The following APOOL variants were observed in gnomAD, a reference collection of about 807,000 sequenced individuals.
APOOL encodes MICOS complex subunit MIC27.
In APOOL, 12 loss-of-function variants were observed where a neutral mutation model predicts 23.1. The observed-to-expected ratio is 0.52, with a 90% CI of 0.33 to 0.84. The LOEUF (loss-of-function observed/expected upper bound fraction) is 0.84. APOOL is among the 40% of genes least tolerant of loss of function. The probability of loss-of-function intolerance (pLI) is 0.02; values close to 1 mark genes in which losing one functional copy is unlikely to be tolerated. For synonymous variants in APOOL, 77 were observed against 69.9 expected (o/e 1.10, Z -0.51); for missense variants, 212 against 199.6 (o/e 1.06, Z -0.37).
rs184418193 is a variant in APOOL at position 85,080,963 on chromosome X, C to G, written c.718+6572C>G. Among the ~76,000 whole-genome samples the G allele has an allele frequency of 8.5e-4, 94 of 110,168 alleles. 1 individual carries two copies. Among genetic ancestry groups the G allele is most frequent in the African/African-American group, 2.9e-3 (88 of 30,129 alleles). ...CTGCTTGTTAGATCTTCCACCTTCC[C>G]TTTATTTTGAGCCTATGTGTGTCTC... On this transcript the variant is annotated intron_variant, in intron 8 of 8. Transcript: ENST00000373173.
intron 6 of APOOL, among the ~76,000 whole-genome samples, chrX:85,069,798 T>G (rs921715782): frequency 1.5e-4 from 16 of 109,818 alleles, no homozygotes; most frequent in African/African-American, 5.3e-4. Flanking sequence ...TTAAAAACAT[T>G]AAAAAAAATT....
At chrX:85,008,222 A>G (rs1921143364) in intron 1 of APOOL, among the ~76,000 whole-genome samples, 1 of 111,656 alleles carries the variant, frequency 9.0e-6, no homozygotes, top group African/African-American at 3.3e-5. Context: ...GATTACCAGA[A>G]TCAAATTAGT....
chrX:85,083,978 G>A (rs1260430591), intron 8 of APOOL, among the ~76,000 whole-genome samples: 1 of 110,855 alleles, frequency 9.0e-6, no homozygotes, highest in African/African-American at 3.3e-5. Context: ...AAATTGCAAA[G>A]GAATGCATCA....
At chrX:85,042,640 A>G (rs1050828171) in intron 1 of APOOL, among the ~76,000 whole-genome samples, 1 of 112,147 alleles carries the variant, frequency 8.9e-6, no homozygotes, top group Non-Finnish European at 1.9e-5. Context: ...AATAAAGAAA[A>G]CTATAGACCA....
chrX:85,004,263 T>A (rs1014523989), intron 1 of APOOL, among the ~76,000 whole-genome samples: 2 of 109,946 alleles, frequency 1.8e-5, no homozygotes, highest in African/African-American at 3.4e-5. Flanking sequence ...AAGAGAAAAA[T>A]ATATATATAA....
intron 5 of APOOL, among the ~76,000 whole-genome samples, chrX:85,059,530 C>A (rs1318221546): frequency 9.1e-6 from 1 of 109,477 alleles, no homozygotes; most frequent in African/African-American, 3.4e-5. Context: ...CACATCCTCT[C>A]CAGCACCTGT....
chrX:85,027,981 AT>A (rs1410216014), intron 1 of APOOL, among the ~76,000 whole-genome samples: 1 of 111,538 alleles, frequency 9.0e-6, no homozygotes, highest in Admixed American at 9.5e-5. Flanking sequence ...GTGGATATAA[AT>A]TTCATTTTAC....
chrX:85,068,441 T>C (rs1384715760), intron 6 of APOOL, among the ~76,000 whole-genome samples: 2 of 102,946 alleles, frequency 1.9e-5, no homozygotes, highest in Non-Finnish European at 4.0e-5. Flanking sequence ...GGTCTTTCTC[T>C]GTCACCCAGG....
chrX:85,047,434 C>G (rs1922612956), intron 2 of APOOL, among the ~76,000 whole-genome samples: 1 of 111,524 alleles, frequency 9.0e-6, no homozygotes. Flanking sequence ...TAGAGTCAGT[C>G]TCTGACTTTT....
intron 8 of APOOL, among the ~76,000 whole-genome samples, chrX:85,086,739 T>G (rs1260585640): frequency 1.1e-4 from 11 of 99,339 alleles, no homozygotes; most frequent in East Asian, 9.7e-4. Context: ...TCGCTGTGTC[T>G]CCCAGGTTGG....
chrX:85,064,139 G>A (rs1309310911), intron 5 of APOOL, among the ~76,000 whole-genome samples: 4 of 110,407 alleles, frequency 3.6e-5, no homozygotes, highest in African/African-American at 1.3e-4. Flanking sequence ...TTCATTTTTA[G>A]ATTCTATAGT....
At chrX:85,068,991 A>G (rs1923569029) in intron 6 of APOOL, among the ~76,000 whole-genome samples, 1 of 111,463 alleles carries the variant, frequency 9.0e-6, no homozygotes, top group Non-Finnish European at 1.9e-5. Flanking sequence ...ATTAAACTGA[A>G]TTTTACTTTA....
rs367716942 is a variant in APOOL at position 85,026,658 on chromosome X, C to T, written c.16-19788C>T. Among the ~76,000 whole-genome samples the T allele has an allele frequency of 8.9e-4, 99 of 111,629 alleles. 1 individual carries two copies. In the South Asian group the frequency reaches 0.036, roughly 41 times the overall value. ...GCTTTGCTACTTAGAATTTTTTTTT[C>T]TACCAGATAGGCTAGGTCATCAGAT... On this transcript the variant is annotated intron_variant, in intron 1 of 8. Coordinates refer to ENST00000373173, the MANE Select transcript of APOOL (RefSeq NM_198450.6).
chrX:85,030,009 G>GTC lies in APOOL; in HGVS notation c.16-16435_16-16434dup, dbSNP rs765133452. On this transcript the variant is annotated intron_variant, in intron 1 of 8. Coordinates refer to ENST00000373173, the MANE Select transcript of APOOL (RefSeq NM_198450.6). ...TGATCCAGCAGTCCCACTACTGGGT[G>GTC]TCTACCCAAAGGAGAAGAAGTCATG... Among the ~76,000 whole-genome samples, 5 of 111,984 alleles carry GTC rather than the reference G, an allele frequency of 4.5e-5. No individual in the cohort carries two copies. The East Asian group carries it at 1.4e-3, about 32-fold the overall frequency.
At chrX:85,063,939 C>T (rs926480917) in intron 5 of APOOL, among the ~76,000 whole-genome samples, 1 of 111,093 alleles carries the variant, frequency 9.0e-6, no homozygotes, top group East Asian at 2.8e-4. Flanking sequence ...GGAGTAGTTT[C>T]AGAAGAAATG....
chrX:85,065,454 T>C (rs1293739896), intron 5 of APOOL, among the ~76,000 whole-genome samples: 2 of 111,974 alleles, frequency 1.8e-5, no homozygotes, highest in Non-Finnish European at 3.8e-5. Context: ...GACTTGTTAA[T>C]GTAGTTGCTT....
chrX:85,087,132 A>G (rs1329684204), intron 8 of APOOL, among the ~76,000 whole-genome samples: 1 of 110,394 alleles, frequency 9.1e-6, no homozygotes, highest in Non-Finnish European at 1.9e-5. Flanking sequence ...TTTTGATCAC[A>G]TCTCCTATCA....
chrX:85,014,909 C>T (rs959022772), intron 1 of APOOL, among the ~76,000 whole-genome samples: 7 of 110,148 alleles, frequency 6.4e-5, no homozygotes, highest in Admixed American at 4.8e-4. Flanking sequence ...TTCCTTCAAA[C>T]GAGTTTTCCA....
chrX:85,058,679 A>T (rs1239462233), intron 5 of APOOL, among the ~76,000 whole-genome samples: 1 of 111,478 alleles, frequency 9.0e-6, no homozygotes, highest in Non-Finnish European at 1.9e-5. Flanking sequence ...GAACTAATTT[A>T]CATCCCCACC....
Sources: allele counts gnomAD v4.1 joint callset (sites outside exome capture counted in the v4.1 genomes callset), GRCh38; gene constraint gnomAD v4.1.1; transcripts MANE v1.5; gene names NCBI Gene and HGNC (gene_info 2026-07-23, HGNC 2026-07-21).